Variants in ZFAND3 observed in about 807,000 individuals in gnomAD.
ZFAND3 encodes the protein zinc finger AN1-type containing 3, also known as AN1-type zinc finger protein 3.
A neutral mutation model predicts 29.6 loss-of-function variants in ZFAND3; 10 were observed. The observed-to-expected ratio is 0.34, with a 90% CI of 0.21 to 0.57. ZFAND3 has a LOEUF of 0.57. Ranked by LOEUF, ZFAND3 falls within the 20% of genes least tolerant of loss-of-function variation. The pLI is 0.86. For missense variants in ZFAND3, 230 were observed against 304.5 expected, an observed-to-expected ratio of 0.76 and a Z score of 1.82; for synonymous variants, 128 against 112.6, an observed-to-expected ratio of 1.14 and a Z score of -0.87.
intron 2 of ZFAND3, among the ~76,000 whole-genome samples, chr6:38,055,880 G>T (rs1764125187): frequency 6.6e-6 from 1 of 152,192 alleles, no homozygotes; most frequent in African/African-American, 2.4e-5. Flanking sequence ...ATCCAGTGAT[G>T]GACTTTCTGC....
rs996854571 is a variant in ZFAND3, at chr6:38,096,361, C to T, written c.361+13904C>T. On this transcript the variant is annotated intron_variant, in intron 4 of 5. Coordinates refer to ENST00000287218, the MANE Select transcript of ZFAND3 (RefSeq NM_021943.3). Reference sequence around the variant, plus strand: ...CTAACTTTTGTATTTTTAGTAGAGGCGGGGTTTCACCATATTGGCCAGGCT... The same window carrying T: ...CTAACTTTTGTATTTTTAGTAGAGGTGGGGTTTCACCATATTGGCCAGGCT... 5.3e-5 allele frequency among the ~76,000 whole-genome samples: 8 copies of T among 152,098 alleles called. No individual in the cohort carries two copies. The East Asian group carries it at 1.2e-3, about 22-fold the overall frequency.
At position 38,154,295 on chromosome 6, in the gene ZFAND3, G is replaced by T; in HGVS notation, c.*1906G>T. ...CCCCGCCCCCTCCTCTGCCTGCTGC[G>T]TGGAGGCAGCCATGGGAAGGAGCCC... On this transcript the variant is annotated 3_prime_UTR_variant, in exon 6 of 6. Transcript: ENST00000287218. The T allele has an allele frequency of 1.7e-5, 17 of 985,386 alleles. No homozygotes were observed. The highest frequency in any genetic ancestry group is 2.0e-5 in the Non-Finnish European group (17 of 829,914). The allele number at this position is 985,386 out of a possible 1,614,324, so 61.0% of individuals were successfully genotyped here. A position where few individuals can be genotyped will look rare whatever the true frequency, so the allele number is the denominator to read the frequency against.
chr6:37,870,774 C>T (rs954397670), intron 1 of ZFAND3, among the ~76,000 whole-genome samples: 4 of 152,188 alleles, frequency 2.6e-5, no homozygotes, highest in Non-Finnish European at 4.4e-5. Flanking sequence ...GCCTCAAACC[C>T]CTGGGCTTCA....
chr6:37,844,112 ACAGGGTTTTGC>A (rs1002471702), intron 1 of ZFAND3, among the ~76,000 whole-genome samples: 17 of 151,498 alleles, frequency 1.1e-4, no homozygotes, highest in Admixed American at 7.2e-4. Flanking sequence ...TTTTGTGAAG[ACAGGGTTTTGC>A]CAGTTGCCCA....
chr6:37,890,448 C>T (rs2127395989), intron 1 of ZFAND3, among the ~76,000 whole-genome samples: 1 of 152,310 alleles, frequency 6.6e-6, no homozygotes, highest in East Asian at 1.9e-4. Context: ...GACACTGTTA[C>T]TATCTGAATG....
intron 4 of ZFAND3, among the ~76,000 whole-genome samples, chr6:38,084,701 G>A (rs1037201836): frequency 2.0e-5 from 3 of 152,166 alleles, no homozygotes; most frequent in African/African-American, 7.2e-5. Flanking sequence ...CAGGCATTGA[G>A]CTCTCAGTCA....
chr6:37,919,879 C>T (rs148051895), intron 1 of ZFAND3, among the ~76,000 whole-genome samples: 1 of 152,140 alleles, frequency 6.6e-6, no homozygotes, highest in African/African-American at 2.4e-5. Flanking sequence ...ACCTCAGTGT[C>T]CCTGACTAGT....
At chr6:37,910,442 C>G (rs1277848025) in intron 1 of ZFAND3, among the ~76,000 whole-genome samples, 3 of 152,038 alleles carry the variant, frequency 2.0e-5, no homozygotes, top group African/African-American at 7.2e-5. Flanking sequence ...GGTACTCTTT[C>G]TAGATTTAAA....
intron 2 of ZFAND3, among the ~76,000 whole-genome samples, chr6:37,955,664 A>T (rs1762075449): frequency 6.6e-6 from 1 of 152,204 alleles, no homozygotes; most frequent in Admixed American, 6.5e-5. Flanking sequence ...AAATGATGCC[A>T]GTGCTTTGGT....
intron 5 of ZFAND3, among the ~76,000 whole-genome samples, chr6:38,140,200 CAA>C (rs1182743041): frequency 6.6e-6 from 1 of 152,076 alleles, no homozygotes; most frequent in Admixed American, 6.5e-5. Flanking sequence ...TATGGAGCTC[CAA>C]AGAGAGGTCT....
At chr6:38,007,650 T>A (rs1035517593) in intron 2 of ZFAND3, among the ~76,000 whole-genome samples, 4 of 152,220 alleles carry the variant, frequency 2.6e-5, no homozygotes, top group Non-Finnish European at 4.4e-5. Context: ...CATTTTAAAT[T>A]TAAAACTATG....
chr6:37,902,795 A>G (rs1765344844), intron 1 of ZFAND3, among the ~76,000 whole-genome samples: 1 of 123,646 alleles, frequency 8.1e-6, no homozygotes, highest in Admixed American at 9.7e-5. Flanking sequence ...TCCAGGCTGG[A>G]CTTGAATTCC....
rs1216722219 is a variant in ZFAND3, at chr6:38,010,925, A to T, written c.113-50668A>T. Among the ~76,000 whole-genome samples the T allele has an allele frequency of 7.1e-5, 8 of 112,002 alleles. 1 individual carries two copies. Among genetic ancestry groups the T allele is most frequent in the South Asian group, 5.8e-4 (2 of 3,478 alleles). 73.5% of individuals were successfully genotyped at this position (112,002 alleles called of 152,430 possible). Reference sequence around the variant, plus strand: ...CCAACTTTTTTTTTTTTTTTTTTTTAAAGAGATGAGGACTCACTGTGTTGC... The same window carrying T: ...CCAACTTTTTTTTTTTTTTTTTTTTTAAGAGATGAGGACTCACTGTGTTGC... On this transcript the variant is annotated intron_variant, in intron 2 of 5. Coordinates refer to ENST00000287218, the MANE Select transcript of ZFAND3 (RefSeq NM_021943.3).
intron 3 of ZFAND3, among the ~76,000 whole-genome samples, chr6:38,065,325 AAAG>A (rs974941161): frequency 3.3e-5 from 5 of 151,966 alleles, no homozygotes; most frequent in African/African-American, 9.7e-5. Flanking sequence ...CAAAAAAAAA[AAAG>A]AAAGAAAAGA....
intron 1 of ZFAND3, among the ~76,000 whole-genome samples, chr6:37,867,021 A>G (rs1764601900): frequency 6.6e-6 from 1 of 152,356 alleles, no homozygotes; most frequent in East Asian, 1.9e-4. Flanking sequence ...ATGATGACTC[A>G]AAGTCAAATG....
intron 2 of ZFAND3, among the ~76,000 whole-genome samples, chr6:37,962,484 AT>A: frequency 6.6e-6 from 1 of 152,342 alleles, no homozygotes; most frequent in Non-Finnish European, 1.5e-5. Flanking sequence ...ATCCAAGTAC[AT>A]GTGAGAGGTG....
intron 2 of ZFAND3, among the ~76,000 whole-genome samples, chr6:38,034,949 A>G (rs1763630236): frequency 6.6e-6 from 1 of 152,148 alleles, no homozygotes; most frequent in South Asian, 2.1e-4. Flanking sequence ...TTACATGTAT[A>G]GGATTGTTGA....
chr6:37,937,318 A>G (rs547717695), intron 2 of ZFAND3, among the ~76,000 whole-genome samples: 79 of 152,178 alleles, frequency 5.2e-4, no homozygotes, highest in Non-Finnish European at 1.1e-3. Flanking sequence ...TGGAATTTGT[A>G]AGCTTGTCAT....
intron 2 of ZFAND3, among the ~76,000 whole-genome samples, chr6:37,978,105 G>A (rs187534075): frequency 1.9e-4 from 29 of 151,810 alleles, no homozygotes; most frequent in African/African-American, 6.8e-4. Flanking sequence ...GCTAATTTTC[G>A]TATTTTTAGT....
Sources: allele counts gnomAD v4.1 joint callset (sites outside exome capture counted in the v4.1 genomes callset), GRCh38; gene constraint gnomAD v4.1.1; transcripts MANE v1.5; gene names NCBI Gene and HGNC (gene_info 2026-07-23, HGNC 2026-07-21).